Variants in USP13 observed in about 807,000 individuals in gnomAD.
USP13 encodes ubiquitin specific peptidase 13.
USP13 carries 68 observed loss-of-function variants against 107.8 expected under a neutral mutation model. The ratio of observed to expected loss-of-function variants is 0.63; its 90% CI spans 0.52 to 0.77. The LOEUF (loss-of-function observed/expected upper bound fraction) is 0.77. Ranked by LOEUF, USP13 falls within the 30% of genes least tolerant of loss-of-function variation. USP13 has a pLI of 0.00. For synonymous variants in USP13, 377 were observed against 389.5 expected, an observed-to-expected ratio of 0.97 and a Z score of 0.38; for missense variants, 945 against 1,093.3, an observed-to-expected ratio of 0.86 and a Z score of 1.91.
Position 179,721,284 on chromosome 3 carries a change from A to G in USP13, c.901-118A>G, listed in dbSNP as rs1713306741. On this transcript the variant is annotated intron_variant, in intron 7 of 20. Transcript: ENST00000263966. The surrounding 1 kb of genome is among the most constrained non-coding windows in gnomAD (Gnocchi z 4.3). ...TTTTATTTGCATTGTTTATTTCTCT[A>G]TGTAATTGGGGAAAAAAATGGCAGA... is the stretch of plus-strand genomic sequence containing the variant. The G allele has an allele frequency of 1.9e-6, 2 of 1,061,242 alleles. No individual in the cohort carries two copies. Among genetic ancestry groups the G allele is most frequent in the Admixed American group, 5.5e-5 (2 of 36,380 alleles). The allele number at this position is 1,061,242 out of a possible 1,614,324, so 65.7% of individuals were successfully genotyped here.
intron 19 of USP13, among the ~76,000 whole-genome samples, chr3:179,769,852 A>G (rs1468065374): frequency 6.6e-6 from 1 of 152,198 alleles, no homozygotes; most frequent in Non-Finnish European, 1.5e-5. Context: ...TAAAAATAAT[A>G]TTGTGATAAA....
chr3:179,733,291 G>T lies in USP13; in HGVS notation c.1254+2582G>T, dbSNP rs377074106. On this transcript the variant is annotated intron_variant, in intron 10 of 20. Coordinates refer to ENST00000263966, the MANE Select transcript of USP13 (RefSeq NM_003940.3). ...GCAGGGAGGGCCCATCCAGCTGGGTGGGAGACAAGTCGGTCTTTGGTCCAG... is the reference window on the plus strand; with the variant it reads ...GCAGGGAGGGCCCATCCAGCTGGGTTGGAGACAAGTCGGTCTTTGGTCCAG... Among the ~76,000 whole-genome samples, 9 of 152,286 alleles carry T rather than the reference G, an allele frequency of 5.9e-5. No individual in the cohort carries two copies. The East Asian group carries it at 1.5e-3, about 26-fold the overall frequency.
intron 1 of USP13, among the ~76,000 whole-genome samples, chr3:179,654,426 A>G (rs1351741936): frequency 6.6e-6 from 1 of 152,210 alleles, no homozygotes; most frequent in South Asian, 2.1e-4. Flanking sequence ...GCTGAGAGGG[A>G]TCGCCGCCTT....
At chr3:179,767,565 C>G (rs1400994493) in intron 19 of USP13, among the ~76,000 whole-genome samples, 1 of 152,098 alleles carries the variant, frequency 6.6e-6, no homozygotes, top group Non-Finnish European at 1.5e-5. Context: ...GCTGGAATTA[C>G]AGGTTTGGGC....
chr3:179,653,241 G>A lies in USP13; in HGVS notation c.16G>A (p.Ala6Thr). The A allele has an allele frequency of 1.3e-6, 2 of 1,550,584 alleles. No individual in the cohort carries two copies. The highest frequency in any genetic ancestry group is 1.2e-5 in the South Asian group (1 of 84,146). ...CGCCGAGGCCATGCAGCGCCGGGGC[G>A]CCCTGTTCGGCATGCCGGGCGGCAG... is the stretch of plus-strand genomic sequence containing the variant. MQRRG[A>T]LFGMPGGSGG... Residue 6 changes from alanine to threonine, a missense_variant, in exon 1 of 21, where the codon GCC (alanine) becomes ACC (threonine). Ala to Thr is a moderately conservative substitution (Grantham distance 58, BLOSUM62 0). Coordinates refer to ENST00000263966, the MANE Select transcript of USP13 (RefSeq NM_003940.3). The surrounding 1 kb of genome is among the most constrained non-coding windows in gnomAD (Gnocchi z 4.0).
At chr3:179,761,302 C>T in intron 17 of USP13, 47 bp downstream of exon 17, 1 of 1,608,908 alleles carries the variant, frequency 6.2e-7, no homozygotes, top group East Asian at 2.2e-5. Context: ...ATGTGACCCT[C>T]AGTGATGCTG....
intron 1 of USP13, among the ~76,000 whole-genome samples, chr3:179,662,091 T>G (rs1037334591): frequency 1.3e-5 from 2 of 152,230 alleles, no homozygotes; most frequent in African/African-American, 4.8e-5. Context: ...GTATCAAATC[T>G]CTTCCTGCCT....
At chr3:179,711,311 C>T (rs1402508520) in intron 6 of USP13, among the ~76,000 whole-genome samples, 1 of 152,098 alleles carries the variant, frequency 6.6e-6, no homozygotes, top group Non-Finnish European at 1.5e-5. Flanking sequence ...CTCCACCTCC[C>T]AGATTCAAGT....
At chr3:179,686,252 A>G (rs1256473372) in intron 2 of USP13, among the ~76,000 whole-genome samples, 1 of 152,188 alleles carries the variant, frequency 6.6e-6, no homozygotes, top group African/African-American at 2.4e-5. Flanking sequence ...GCAGGAAAAA[A>G]GGGAATCCCT....
chr3:179,672,724 C>A (rs1298355331), intron 1 of USP13, among the ~76,000 whole-genome samples: 1 of 152,184 alleles, frequency 6.6e-6, no homozygotes, highest in African/African-American at 2.4e-5. Flanking sequence ...AGTGCTGCTC[C>A]TTTCTTACCG....
intron 13 of USP13, among the ~76,000 whole-genome samples, chr3:179,748,360 C>G (rs538874009): frequency 2.4e-4 from 36 of 152,130 alleles, no homozygotes; most frequent in Non-Finnish European, 5.0e-4. Flanking sequence ...TTGAGAAAAC[C>G]AGTTCAGTGG....
intron 1 of USP13, among the ~76,000 whole-genome samples, chr3:179,674,113 G>A (rs1576915923): frequency 1.3e-5 from 2 of 152,098 alleles, no homozygotes; most frequent in South Asian, 2.1e-4. Context: ...GGCTGGTCTC[G>A]AACTCCTGAC....
intron 19 of USP13, among the ~76,000 whole-genome samples, chr3:179,778,210 A>G (rs1222246202): frequency 6.6e-6 from 1 of 152,152 alleles, no homozygotes; most frequent in Non-Finnish European, 1.5e-5. Context: ...ACCCCAATAT[A>G]TGCTTTGGTA....
intron 19 of USP13, among the ~76,000 whole-genome samples, chr3:179,780,123 T>C (rs1715694028): frequency 6.6e-6 from 1 of 152,234 alleles, no homozygotes; most frequent in African/African-American, 2.4e-5. Context: ...ACAGTTCACC[T>C]TACACTTAAT....
intron 3 of USP13, among the ~76,000 whole-genome samples, chr3:179,692,398 TCTCAGCTCATG>T (rs1202194004): frequency 6.6e-6 from 1 of 152,230 alleles, no homozygotes; most frequent in East Asian, 1.9e-4. Flanking sequence ...TTCTCCTGCT[TCTCAGCTCATG>T]CTTTTCTGTA....
intron 13 of USP13, among the ~76,000 whole-genome samples, chr3:179,747,591 G>A (rs1714454064): frequency 6.6e-6 from 1 of 152,146 alleles, no homozygotes; most frequent in African/African-American, 2.4e-5. Context: ...TTCAACACCT[G>A]GAAATGGCCC....
At chr3:179,775,484 G>A (rs189264832) in intron 19 of USP13, among the ~76,000 whole-genome samples, 3 of 152,392 alleles carry the variant, frequency 2.0e-5, no homozygotes, top group African/African-American at 7.2e-5. Flanking sequence ...AGGGCCGTGG[G>A]TGGAGCTGCC....
intron 15 of USP13, among the ~76,000 whole-genome samples, chr3:179,755,932 C>A (rs16830806): frequency 7.2e-5 from 11 of 152,124 alleles, no homozygotes; most frequent in Middle Eastern, 3.4e-3. Context: ...TGTTCTCTAA[C>A]GCTGGGTCAA....
intron 12 of USP13, among the ~76,000 whole-genome samples, chr3:179,744,454 T>C (rs138259474): frequency 3.1e-4 from 47 of 152,292 alleles, no homozygotes; most frequent in African/African-American, 1.1e-3. Flanking sequence ...TGTGTGATCA[T>C]TGGCAAAAAT....
Sources: allele counts gnomAD v4.1 joint callset (sites outside exome capture counted in the v4.1 genomes callset), GRCh38; gene constraint gnomAD v4.1.1; non-coding constraint Gnocchi (gnomAD v3.1); transcripts MANE v1.5; gene names NCBI Gene and HGNC (gene_info 2026-07-23, HGNC 2026-07-21).